Variants in JARID2 observed in about 807,000 individuals in gnomAD.
The protein encoded by JARID2 is protein Jumonji.
JARID2 carries 21 observed loss-of-function variants against 125.6 expected under a neutral mutation model. The ratio of observed to expected loss-of-function variants is 0.17; its 90% CI spans 0.12 to 0.24. The LOEUF (loss-of-function observed/expected upper bound fraction) is 0.24. Among genes scored for constraint, JARID2 ranks in the 10% least tolerant of loss-of-function variants. The pLI, the probability that JARID2 is intolerant of heterozygous loss-of-function variation, is 1.00. For synonymous variants in JARID2, 736 were observed against 661.6 expected (o/e 1.11, Z -1.73); for missense variants, 1,303 against 1,639.6 (o/e 0.79, Z 3.55).
At chr6:15,359,494 GA>G (rs1763716452) in intron 1 of JARID2, among the ~76,000 whole-genome samples, 1 of 150,624 alleles carries the variant, frequency 6.6e-6, no homozygotes, top group Admixed American at 6.6e-5. Flanking sequence ...AGTATCTCAT[GA>G]CTATATTTTT....
chr6:15,266,869 G>A (rs1760105478), intron 1 of JARID2, among the ~76,000 whole-genome samples: 1 of 152,190 alleles, frequency 6.6e-6, no homozygotes, highest in Non-Finnish European at 1.5e-5. Context: ...CTGACCACTG[G>A]TTGTCCCTCA....
rs1017089450 is a variant in JARID2, at chr6:15,337,832, ACT to A, written c.46-36282_46-36281del. ...AGATTTGAGAGGGCACATTTGAGAC[ACT>A]CTACACAGATACAAACAGCCTCTAA... On this transcript the variant is annotated intron_variant, in intron 1 of 17. Transcript: ENST00000341776. Among the ~76,000 whole-genome samples the A allele has an allele frequency of 7.2e-5, 11 of 151,962 alleles. 1 individual carries two copies. The highest frequency in any genetic ancestry group is 4.1e-4 in the South Asian group (2 of 4,820).
chr6:15,327,274 T>A (rs1181521889), intron 1 of JARID2, among the ~76,000 whole-genome samples: 1 of 152,114 alleles, frequency 6.6e-6, no homozygotes, highest in East Asian at 1.9e-4. Flanking sequence ...GAGACGGTCT[T>A]GCCCTGTCAC....
intron 1 of JARID2, among the ~76,000 whole-genome samples, chr6:15,250,376 C>T (rs1264601472): frequency 6.6e-6 from 1 of 152,086 alleles, no homozygotes; most frequent in Admixed American, 6.5e-5. Context: ...CGTTATTTTA[C>T]AGTTGGTGGG....
At chr6:15,431,002 T>C (rs1478704266) in intron 3 of JARID2, among the ~76,000 whole-genome samples, 7 of 152,214 alleles carry the variant, frequency 4.6e-5, no homozygotes, top group Non-Finnish European at 8.8e-5. Flanking sequence ...GCCTGTAGAC[T>C]ATTGGTACCG....
chr6:15,422,449 T>C (rs149941284), intron 3 of JARID2, among the ~76,000 whole-genome samples: 4 of 152,266 alleles, frequency 2.6e-5, no homozygotes, highest in East Asian at 1.9e-4. Context: ...GTGTCTGAGG[T>C]TGGATAGCAC....
intron 2 of JARID2, among the ~76,000 whole-genome samples, chr6:15,376,659 G>T (rs1386909921): frequency 1.3e-5 from 2 of 152,216 alleles, no homozygotes; most frequent in Non-Finnish European, 2.9e-5. Flanking sequence ...AGGAGGTCAA[G>T]GCTGCATTGA....
At chr6:15,325,745 G>A (rs72834573) in intron 1 of JARID2, among the ~76,000 whole-genome samples, 11,643 of 152,236 alleles carry the variant, frequency 0.076, 604 homozygotes, top group Non-Finnish European at 0.11. Context: ...TTTCCAAGGC[G>A]AAAAGTAGTA....
chr6:15,320,072 G>A (rs1762302416), intron 1 of JARID2, among the ~76,000 whole-genome samples: 1 of 152,162 alleles, frequency 6.6e-6, no homozygotes, highest in Non-Finnish European at 1.5e-5. Flanking sequence ...TTATCTTGCT[G>A]GTTTCTTCCA....
At chr6:15,416,048 CG>C (rs536316563) in intron 3 of JARID2, among the ~76,000 whole-genome samples, 10 of 149,094 alleles carry the variant, frequency 6.7e-5, no homozygotes, top group African/African-American at 2.5e-4. Flanking sequence ...ACATCCCAGA[CG>C]GGGCGGCGGG....
At chr6:15,499,429 G>C (rs1770621789) in intron 7 of JARID2, among the ~76,000 whole-genome samples, 1 of 152,196 alleles carries the variant, frequency 6.6e-6, no homozygotes, top group South Asian at 2.1e-4. Context: ...AGCGCTGTGT[G>C]ATTTTCAGGT....
chr6:15,449,098 C>T (rs1166483778), intron 3 of JARID2, among the ~76,000 whole-genome samples: 1 of 152,038 alleles, frequency 6.6e-6, no homozygotes, highest in Non-Finnish European at 1.5e-5. Flanking sequence ...ACCCTAACTG[C>T]CCCCCACTTC....
At chr6:15,426,744 C>T (rs1181768293) in intron 3 of JARID2, among the ~76,000 whole-genome samples, 1 of 152,114 alleles carries the variant, frequency 6.6e-6, no homozygotes, top group East Asian at 1.9e-4. Context: ...TTTTCCAACC[C>T]CCAGAGGATG....
intron 1 of JARID2, among the ~76,000 whole-genome samples, chr6:15,279,766 C>G (rs1450629048): frequency 6.6e-6 from 1 of 152,196 alleles, no homozygotes; most frequent in African/African-American, 2.4e-5. Flanking sequence ...CAGTTACTTT[C>G]CTGCTCAGGT....
chr6:15,406,121 G>A (rs546801255), intron 2 of JARID2, among the ~76,000 whole-genome samples: 2 of 152,280 alleles, frequency 1.3e-5, no homozygotes, highest in South Asian at 2.1e-4. Context: ...TCAGTCTTGC[G>A]CCTTCGTAAG....
intron 1 of JARID2, among the ~76,000 whole-genome samples, chr6:15,313,911 T>C (rs1367130195): frequency 6.6e-6 from 1 of 152,140 alleles, no homozygotes; most frequent in African/African-American, 2.4e-5. Context: ...GGCCTGTGTC[T>C]CCCCAAATAT....
intron 4 of JARID2, among the ~76,000 whole-genome samples, chr6:15,467,008 C>T (rs923017435): frequency 5.9e-5 from 9 of 152,170 alleles, no homozygotes; most frequent in African/African-American, 2.2e-4. Flanking sequence ...GGTCTTTTTG[C>T]CGACTGTATC....
chr6:15,388,620 A>G (rs1764880858), intron 2 of JARID2, among the ~76,000 whole-genome samples: 1 of 148,870 alleles, frequency 6.7e-6, no homozygotes, highest in East Asian at 1.9e-4. Flanking sequence ...ACAACAAACT[A>G]TAATATAAAA....
chr6:15,407,080 C>CA (rs1169308670), intron 2 of JARID2, among the ~76,000 whole-genome samples: 2 of 151,606 alleles, frequency 1.3e-5, no homozygotes, highest in Non-Finnish European at 1.5e-5. Context: ...GGCAACAAAG[C>CA]AAGACCCCAT....
Sources: allele counts gnomAD v4.1 joint callset (sites outside exome capture counted in the v4.1 genomes callset), GRCh38; gene constraint gnomAD v4.1.1; transcripts MANE v1.5; gene names NCBI Gene and HGNC (gene_info 2026-07-23, HGNC 2026-07-21).